ERBB4: variants seen among roughly 807,000 people sequenced by gnomAD.
The protein encoded by ERBB4 is receptor tyrosine-protein kinase erbB-4.
A neutral mutation model predicts 158.0 loss-of-function variants in ERBB4; 42 were observed. That is an observed-to-expected ratio of 0.27 (90% confidence interval 0.21 to 0.34). The LOEUF (loss-of-function observed/expected upper bound fraction) is 0.34, where lower values mean the gene tolerates loss of function less well. Ranked by LOEUF, ERBB4 falls within the 10% of genes least tolerant of loss-of-function variation. The probability of loss-of-function intolerance (pLI) is 1.00; values close to 1 mark genes in which losing one functional copy is unlikely to be tolerated. For missense variants in ERBB4, 1,333 were observed against 1,624.1 expected (o/e 0.82, Z 3.08); for synonymous variants, 583 against 558.7 (o/e 1.04, Z -0.61).
chr2:211,690,663 T>C (rs889327351), intron 12 of ERBB4, among the ~76,000 whole-genome samples: 2 of 152,124 alleles, frequency 1.3e-5, no homozygotes, highest in African/African-American at 4.8e-5. Context: ...CCACATAGCA[T>C]AGAACAAAAG....
rs554548952 is a variant in ERBB4 at position 211,794,598 on chromosome 2, A to G, written c.422-6439T>C. On this transcript the variant is annotated intron_variant, in intron 3 of 27. Transcript: ENST00000342788. ...TGATAGCATAATGTTAGTGATATGCACTAGATATTTACATTGTAAATCCCA... is the reference window on the plus strand; with the variant it reads ...TGATAGCATAATGTTAGTGATATGCGCTAGATATTTACATTGTAAATCCCA... 8.5e-5 allele frequency among the ~76,000 whole-genome samples: 13 copies of G among 152,088 alleles called. No individual in the cohort carries two copies. The East Asian group carries it at 2.5e-3, about 29-fold the overall frequency.
intron 1 of ERBB4, among the ~76,000 whole-genome samples, chr2:212,239,847 C>G (rs1024625652): frequency 6.6e-6 from 1 of 152,088 alleles, no homozygotes; most frequent in South Asian, 2.1e-4. Flanking sequence ...GAACTCTAAT[C>G]CTAAAGGAAT....
intron 2 of ERBB4, among the ~76,000 whole-genome samples, chr2:212,066,505 T>A (rs766844259): frequency 6.6e-6 from 1 of 152,010 alleles, no homozygotes; most frequent in Non-Finnish European, 1.5e-5. Flanking sequence ...AAATGATGTT[T>A]GAAACTTCTT....
At chr2:212,261,540 G>A (rs1574545118) in intron 1 of ERBB4, among the ~76,000 whole-genome samples, 1 of 152,020 alleles carries the variant, frequency 6.6e-6, no homozygotes, top group Admixed American at 6.6e-5. Context: ...CTTTTTCATA[G>A]AAATTAAAAT....
At position 211,947,483 on chromosome 2, in the gene ERBB4, T is replaced by C. The variant is rs943287714; in HGVS notation, c.368A>G (p.Tyr123Cys). The change falls in exon 3 of 28, where the codon TAC becomes TGC. Residue 123 changes from tyrosine to cysteine, a missense_variant. Around this residue, in one of 5 missense-constraint regions of ERBB4, gnomAD observed 438 missense variants for 586.9 expected, o/e 0.75. Coordinates refer to ENST00000342788, the MANE Select transcript of ERBB4 (RefSeq NM_005235.3). ...DRYALAIFLN[Y>C]RKDGNFGLQE... ...AAGTCCAAAGTTTCCATCTTTTCTG[T>C]AGTTTAAAAATATTGCCAAGGCATA... is the stretch of plus-strand genomic sequence containing the variant. 1.2e-6 allele frequency: 2 copies of C among 1,613,774 alleles called. No homozygotes were observed. The highest frequency in any genetic ancestry group is 2.7e-5 in the African/African-American group (2 of 74,912).
chr2:211,396,542 A>ATAAT (rs762605528), intron 25 of ERBB4, among the ~76,000 whole-genome samples: 1 of 152,174 alleles, frequency 6.6e-6, no homozygotes, highest in Non-Finnish European at 1.5e-5. Context: ...CAACATTTCA[A>ATAAT]TAATAGTATT....
At chr2:212,422,678 T>C (rs766216621) in intron 1 of ERBB4, among the ~76,000 whole-genome samples, 3 of 152,264 alleles carry the variant, frequency 2.0e-5, no homozygotes, top group Non-Finnish European at 2.9e-5. Flanking sequence ...GAAGCTCTTA[T>C]GGAGTTCTAC....
chr2:211,942,570 A>G (rs900767124), intron 3 of ERBB4, among the ~76,000 whole-genome samples: 2 of 152,036 alleles, frequency 1.3e-5, no homozygotes, highest in East Asian at 1.9e-4. Context: ...TATTATTTTC[A>G]TTACTATTGA....
chr2:212,254,144 A>G (rs1040991066), intron 1 of ERBB4, among the ~76,000 whole-genome samples: 2 of 150,546 alleles, frequency 1.3e-5, no homozygotes, highest in South Asian at 2.1e-4. Flanking sequence ...TTCCTAGAAG[A>G]CCATATAAAT....
chr2:212,508,233 G>A (rs1197613388), intron 1 of ERBB4, among the ~76,000 whole-genome samples: 1 of 152,110 alleles, frequency 6.6e-6, no homozygotes, highest in East Asian at 1.9e-4. Flanking sequence ...TATGTGTGGG[G>A]AAAAAATTGT....
intron 1 of ERBB4, among the ~76,000 whole-genome samples, chr2:212,380,007 G>C (rs1468367120): frequency 1.3e-5 from 2 of 148,358 alleles, no homozygotes; most frequent in African/African-American, 4.8e-5. Context: ...ATGCTAAAGA[G>C]TTGTTCAAGT....
intron 20 of ERBB4, among the ~76,000 whole-genome samples, chr2:211,497,335 C>T (rs1392206136): frequency 6.6e-6 from 1 of 152,028 alleles, no homozygotes; most frequent in African/African-American, 2.4e-5. Flanking sequence ...ACATTTTGTA[C>T]TTGCTTTTAC....
chr2:212,465,578 A>T (rs952046190), intron 1 of ERBB4, among the ~76,000 whole-genome samples: 1 of 152,222 alleles, frequency 6.6e-6, no homozygotes, highest in Non-Finnish European at 1.5e-5. Flanking sequence ...GCATATGAAA[A>T]TTGGAGCCAA....
At position 211,420,307 on chromosome 2, in the gene ERBB4, G is replaced by T. The variant is rs16846118; in HGVS notation, c.3135+134C>A. 2.4e-3 allele frequency: 1,627 copies of T among 689,178 alleles called. 19 individuals are homozygous for T. The African/African-American group carries it at 0.026, about 11-fold the overall frequency. 42.7% of individuals were successfully genotyped at this position (689,178 alleles called of 1,614,324 possible). The stretch of plus-strand genomic sequence containing the variant: ...AGCAAGATTGGCACATCTTTTGTGG[G>T]TATGGTATATTTTTAATCTAGGCAT... On this transcript the variant is annotated intron_variant, in intron 25 of 27. Transcript: ENST00000342788.
At chr2:212,142,669 T>C (rs1228700370) in intron 1 of ERBB4, among the ~76,000 whole-genome samples, 1 of 149,904 alleles carries the variant, frequency 6.7e-6, no homozygotes, top group African/African-American at 2.4e-5. Flanking sequence ...AACTCTAATA[T>C]AGAAATACAG....
intron 20 of ERBB4, among the ~76,000 whole-genome samples, chr2:211,521,637 C>T (rs1163387045): frequency 6.6e-6 from 1 of 152,138 alleles, no homozygotes; most frequent in Non-Finnish European, 1.5e-5. Context: ...AAAGAAGATG[C>T]CATCTAGGAT....
intron 19 of ERBB4, among the ~76,000 whole-genome samples, chr2:211,579,047 TC>T (rs752815524): frequency 6.6e-6 from 1 of 151,962 alleles, no homozygotes; most frequent in Admixed American, 6.6e-5. Context: ...TTGAAATCTA[TC>T]CATTTGGCAA....
intron 20 of ERBB4, among the ~76,000 whole-genome samples, chr2:211,467,877 A>G (rs1386092931): frequency 6.6e-6 from 1 of 152,154 alleles, no homozygotes; most frequent in African/African-American, 2.4e-5. Flanking sequence ...GATTCCCAAA[A>G]TATGCAGGGA....
rs1468912589 is a variant in ERBB4, at chr2:211,711,540, G to C, written c.1124+510C>G. 3.9e-5 allele frequency among the ~76,000 whole-genome samples: 6 copies of C among 152,250 alleles called. No homozygotes were observed. In the South Asian group the frequency reaches 1.2e-3, roughly 32 times the overall value. On this transcript the variant is annotated intron_variant, in intron 9 of 27. Coordinates refer to ENST00000342788, the MANE Select transcript of ERBB4 (RefSeq NM_005235.3). ...TCATTTAGCAGCATCTCTTACAGTGGTGCTAACTTCCCAACTTAAGGGAAA... is the reference window on the plus strand; with the variant it reads ...TCATTTAGCAGCATCTCTTACAGTGCTGCTAACTTCCCAACTTAAGGGAAA...
Sources: allele counts gnomAD v4.1 joint callset (sites outside exome capture counted in the v4.1 genomes callset), GRCh38; gene constraint gnomAD v4.1.1; regional missense constraint gnomAD v4.1.1; transcripts MANE v1.5; gene names NCBI Gene and HGNC (gene_info 2026-07-23, HGNC 2026-07-21).